The following HCLS1 variants were observed in gnomAD, a reference collection of about 807,000 sequenced individuals.
HCLS1 encodes the protein hematopoietic cell-specific Lyn substrate 1.
HCLS1 carries 44 observed loss-of-function variants against 68.6 expected under a neutral mutation model. The ratio of observed to expected loss-of-function variants is 0.64; its 90% CI spans 0.50 to 0.82. The LOEUF (loss-of-function observed/expected upper bound fraction) is 0.82, where lower values mean the gene tolerates loss of function less well. Ranked by LOEUF, HCLS1 falls within the 40% of genes least tolerant of loss-of-function variation. HCLS1 has a pLI of 0.00. For synonymous variants in HCLS1, 217 were observed against 225.8 expected (o/e 0.96, Z 0.35); for missense variants, 602 against 612.1 (o/e 0.98, Z 0.17).
intron 3 of HCLS1, among the ~76,000 whole-genome samples, chr3:121,651,000 G>C (rs1937738857): frequency 6.6e-6 from 1 of 152,226 alleles, no homozygotes; most frequent in Non-Finnish European, 1.5e-5. Context: ...GCTGGGCTTG[G>C]TGGTGGGCGC....
intron 4 of HCLS1, among the ~76,000 whole-genome samples, chr3:121,646,918 A>G (rs1015125890): frequency 3.1e-4 from 45 of 145,846 alleles, no homozygotes; most frequent in Non-Finnish European, 6.0e-4. Flanking sequence ...GTATATAATT[A>G]TACATATTTA....
At chr3:121,633,218 C>T in intron 10 of HCLS1, 47 bp from the exon 11 acceptor site, 1 of 1,253,094 alleles carries the variant, frequency 8.0e-7, no homozygotes, top group Non-Finnish European at 1.1e-6. Flanking sequence ...TCCATCTTCA[C>T]TCCTTTTTTT....
At chr3:121,660,656 G>C (rs536547608) in intron 1 of HCLS1, among the ~76,000 whole-genome samples, 164 bp downstream of exon 1, 91 of 152,238 alleles carry the variant, frequency 6.0e-4, no homozygotes, top group African/African-American at 2.1e-3. Flanking sequence ...TCTATCTCCA[G>C]ATGCTGATTT....
At chr3:121,647,566 C>G in intron 3 of HCLS1, 118 bp from the exon 4 acceptor site, 1 of 990,370 alleles carries the variant, frequency 1.0e-6, no homozygotes. Flanking sequence ...AACCTGGGCC[C>G]CCAAAATATA....
chr3:121,634,108 G>C, intron 10 of HCLS1, 99 bp downstream of exon 10: 1 of 1,574,968 alleles, frequency 6.3e-7, no homozygotes, highest in Non-Finnish European at 8.6e-7. Flanking sequence ...CTAACCCAGG[G>C]GAGGACTTTG....
intron 11 of HCLS1, 78 bp from the exon 12 acceptor site, chr3:121,632,641 C>A: frequency 8.0e-7 from 1 of 1,246,056 alleles, no homozygotes; most frequent in Admixed American, 1.9e-5. Context: ...GATCCCCCGC[C>A]CTTCACCACC....
intron 3 of HCLS1, among the ~76,000 whole-genome samples, chr3:121,650,902 T>C (rs373654542): frequency 6.6e-6 from 1 of 151,418 alleles, no homozygotes; most frequent in African/African-American, 2.4e-5. Context: ...CTTTGGGAGG[T>C]CAAGGCGGGT....
intron 4 of HCLS1, among the ~76,000 whole-genome samples, chr3:121,647,016 C>G (rs754692527): frequency 2.8e-5 from 4 of 144,332 alleles, no homozygotes; most frequent in Non-Finnish European, 6.0e-5. Context: ...GAGTCTCGCT[C>G]TGTCTCCCAG....
intron 9 of HCLS1, among the ~76,000 whole-genome samples, chr3:121,635,198 CT>C (rs1407425423): frequency 1.3e-5 from 2 of 150,402 alleles, no homozygotes; most frequent in African/African-American, 4.9e-5. Flanking sequence ...CTCTTTCTTT[CT>C]TTTCTTTCTT....
In HCLS1 at chr3:121,639,270, A is replaced by T. The variant is rs116012752; in HGVS notation, c.455-2014T>A. On this transcript the variant is annotated intron_variant, in intron 6 of 13. Transcript: ENST00000314583. The stretch of plus-strand genomic sequence containing the variant: ...ACTACAGAATATACTTTTTTCATGC[A>T]TATAGAACATTGACCAAATAGACCA... Among the ~76,000 whole-genome samples, 915 of 152,280 alleles carry T rather than the reference A, an allele frequency of 6.0e-3. 6 individuals carry two copies. The highest frequency in any genetic ancestry group is 0.01 in the Non-Finnish European group (698 of 68,022).
intron 10 of HCLS1, 27 bp downstream of exon 10, chr3:121,634,180 G>A (rs1334249456): frequency 6.2e-7 from 1 of 1,613,376 alleles, no homozygotes; most frequent in Admixed American, 1.7e-5. Context: ...GATCCTGGAT[G>A]TGGATCCCAG....
At chr3:121,641,758 C>T (rs1207911185) in intron 6 of HCLS1, among the ~76,000 whole-genome samples, 1 of 152,018 alleles carries the variant, frequency 6.6e-6, no homozygotes, top group African/African-American at 2.4e-5. Flanking sequence ...TTATTTTCAA[C>T]CCATTAGAGA....
Position 121,634,400 on chromosome 3 carries a change from C to T in HCLS1, c.710G>A (p.Gly237Glu). 1 of 1,614,078 alleles carries T rather than the reference C, an allele frequency of 6.2e-7. No homozygotes were observed. The highest frequency in any genetic ancestry group is 1.1e-5 in the South Asian group (1 of 91,076). ...CATGGACTCAAATTTCGCCTTCAGCCCACGGGTACCACTAGAAGCTGCAGA... is the reference window on the plus strand; with the variant it reads ...CATGGACTCAAATTTCGCCTTCAGCTCACGGGTACCACTAGAAGCTGCAGA... ...PIEAASSGTR[G>E]LKAKFESMAE... Residue 237 changes from glycine (G) to glutamate (E), a missense_variant, in exon 10 of 14, where the codon GGG becomes GAG. By Grantham distance (98) the Gly-to-Glu change is moderately conservative. Coordinates refer to ENST00000314583, the MANE Select transcript of HCLS1 (RefSeq NM_005335.6).
At chr3:121,655,633 T>C (rs1453414889) in intron 3 of HCLS1, 4 of 150,054 alleles carry the variant, frequency 2.7e-5, no homozygotes, top group Admixed American at 2.6e-4. Flanking sequence ...ATTCCCAGAA[T>C]ACCAGCGTTG....
Position 121,631,924 on chromosome 3 carries a change from C to T in HCLS1, c.1383G>A (p.Val461=), listed in dbSNP as rs370169975. 25 of 1,614,202 alleles carry T rather than the reference C, an allele frequency of 1.5e-5. No homozygotes were observed. In the African/African-American group the frequency reaches 3.1e-4, roughly 20 times the overall value. Residue 461 remains valine, a synonymous_variant, in exon 14 of 14, where the codon GTG becomes GTA. Coordinates refer to ENST00000314583, the MANE Select transcript of HCLS1 (RefSeq NM_005335.6). ...PDDVITDIEM[V]DEGWWRGRCH... is the part of the protein sequence containing the mutation. ...AACGTCCCCGCCACCAGCCCTCGTC[C>T]ACCATCTCAATGTCAGTGATTACGT... is the stretch of plus-strand genomic sequence containing the variant.
intron 1 of HCLS1, among the ~76,000 whole-genome samples, chr3:121,660,277 C>T (rs1265525110): frequency 6.6e-6 from 1 of 152,230 alleles, no homozygotes. Context: ...CGTAGCTCAT[C>T]TGTGGTCTCC....
rs1453949859 is a variant in HCLS1, at chr3:121,631,522, C to T, written c.*324G>A. 3.1e-5 allele frequency: 9 copies of T among 290,852 alleles called. No homozygotes were observed. The highest frequency in any genetic ancestry group is 5.8e-5 in the Non-Finnish European group (9 of 154,132). The allele number at this position is 290,852 out of a possible 1,614,324, so 18.0% of individuals were successfully genotyped here. A position where few individuals can be genotyped will look rare whatever the true frequency, so the allele number is the denominator to read the frequency against. On this transcript the variant is annotated 3_prime_UTR_variant, in exon 14 of 14. Coordinates refer to ENST00000314583, the MANE Select transcript of HCLS1 (RefSeq NM_005335.6). ...AATGAGGCAAACCACACAATCTAGACGTACTTTCCCGGGTAAACAAACTGG... is the reference window on the plus strand; with the variant it reads ...AATGAGGCAAACCACACAATCTAGATGTACTTTCCCGGGTAAACAAACTGG...
At chr3:121,641,809 C>A (rs1451452048) in intron 6 of HCLS1, among the ~76,000 whole-genome samples, 1 of 152,056 alleles carries the variant, frequency 6.6e-6, no homozygotes, top group Non-Finnish European at 1.5e-5. Context: ...TGGCCAGGCG[C>A]GGTGACTCAA....
intron 3 of HCLS1, among the ~76,000 whole-genome samples, chr3:121,650,137 A>C (rs1209934117): frequency 6.6e-6 from 1 of 152,246 alleles, no homozygotes; most frequent in Non-Finnish European, 1.5e-5. Context: ...TGCAAGACCT[A>C]AACACTAAAA....
Sources: allele counts gnomAD v4.1 joint callset (sites outside exome capture counted in the v4.1 genomes callset), GRCh38; gene constraint gnomAD v4.1.1; transcripts MANE v1.5; gene names NCBI Gene and HGNC (gene_info 2026-07-23, HGNC 2026-07-21).